Variants in UBE3D observed in about 807,000 individuals in gnomAD.
UBE3D encodes ubiquitin protein ligase E3D, also known as E3 ubiquitin-protein ligase E3D.
In UBE3D, 48 loss-of-function variants were observed where a neutral mutation model predicts 49.6. The observed-to-expected ratio is 0.97, with a 90% CI of 0.77 to 1.23. UBE3D has a LOEUF of 1.23. Ranked by LOEUF, UBE3D falls within the 50% of genes most tolerant of loss-of-function variation. UBE3D has a pLI of 0.00. For missense variants in UBE3D, 452 were observed against 468.4 expected (o/e 0.96, Z 0.32); for synonymous variants, 189 against 174.2 (o/e 1.08, Z -0.67).
At chr6:82,955,092 G>C (rs1286394888) in intron 9 of UBE3D, among the ~76,000 whole-genome samples, 1 of 152,166 alleles carries the variant, frequency 6.6e-6, no homozygotes, top group Non-Finnish European at 1.5e-5. Context: ...AATTAAAGGT[G>C]CTAAGACCAC....
In UBE3D at chr6:83,007,688, T is replaced by C. The variant is rs564172741; in HGVS notation, c.1010+11285A>G. Among the ~76,000 whole-genome samples, 19 of 152,342 alleles carry C rather than the reference T, an allele frequency of 1.2e-4. No homozygotes were observed. In the East Asian group the frequency reaches 3.3e-3, roughly 26 times the overall value. On this transcript the variant is annotated intron_variant, in intron 8 of 9. Transcript: ENST00000369747. ...CACCGGGTACGGTGGCTCATGCCTG[T>C]AATCCCAACATTTTGGGATGTTGAG...
intron 3 of UBE3D, 35 bp from the exon 4 acceptor site, chr6:83,044,694 C>T (rs1429297158): frequency 3.1e-5 from 46 of 1,460,916 alleles, no homozygotes; most frequent in Non-Finnish European, 4.3e-5. Context: ...TTTCACAGAA[C>T]AAAATGATAC....
intron 9 of UBE3D, among the ~76,000 whole-genome samples, chr6:82,928,503 T>C (rs1407866849): frequency 2.0e-5 from 3 of 152,194 alleles, no homozygotes; most frequent in Non-Finnish European, 4.4e-5. Context: ...ATTGAGAAGC[T>C]TAAAAAGATC....
chr6:82,965,451 C>T (rs952937151), intron 8 of UBE3D, among the ~76,000 whole-genome samples: 1 of 151,748 alleles, frequency 6.6e-6, no homozygotes, highest in Non-Finnish European at 1.5e-5. Context: ...GGTGTGGTGG[C>T]GCATGCCTGT....
At chr6:82,945,355 G>A (rs1196705520) in intron 9 of UBE3D, among the ~76,000 whole-genome samples, 2 of 152,202 alleles carry the variant, frequency 1.3e-5, no homozygotes, top group East Asian at 3.8e-4. Flanking sequence ...GAAGAGAAGA[G>A]TCTGCCAGGT....
chr6:83,047,514 G>C (rs1783145052), intron 3 of UBE3D, among the ~76,000 whole-genome samples: 1 of 152,048 alleles, frequency 6.6e-6, no homozygotes, highest in African/African-American at 2.4e-5. Context: ...TACGTCGTGT[G>C]GGGAGACAAC....
At chr6:83,002,756 G>A (rs1022436470) in intron 8 of UBE3D, among the ~76,000 whole-genome samples, 1 of 152,198 alleles carries the variant, frequency 6.6e-6, no homozygotes, top group Admixed American at 6.5e-5. Flanking sequence ...ATCCTGTAAG[G>A]ATATAGCAAC....
intron 3 of UBE3D, among the ~76,000 whole-genome samples, chr6:83,051,650 T>C (rs1315408521): frequency 1.3e-5 from 2 of 152,214 alleles, no homozygotes; most frequent in Non-Finnish European, 2.9e-5. Flanking sequence ...AAAACACTCT[T>C]GGTTCAACTA....
In UBE3D at chr6:82,983,664, C is replaced by T. The variant is rs763523971; in HGVS notation, c.1011-26214G>A. On this transcript the variant is annotated intron_variant, in intron 8 of 9. Coordinates refer to ENST00000369747, the MANE Select transcript of UBE3D (RefSeq NM_198920.3). ...CATCTGTAGTATTTTCTCTCTCTCA[C>T]GTCAAAAACCCAGTTCTCATGACAC... 8.5e-5 allele frequency among the ~76,000 whole-genome samples: 13 copies of T among 152,188 alleles called. No individual in the cohort carries two copies. In the East Asian group the frequency reaches 1.4e-3, roughly 16 times the overall value.
At chr6:83,025,848 A>G (rs1781418276) in intron 5 of UBE3D, among the ~76,000 whole-genome samples, 2 of 142,818 alleles carry the variant, frequency 1.4e-5, no homozygotes, top group Admixed American at 1.5e-4. Flanking sequence ...GTGCCACTGC[A>G]CTCCAGCCTG....
intron 4 of UBE3D, among the ~76,000 whole-genome samples, chr6:83,040,415 A>G (rs1782591726): frequency 6.7e-6 from 1 of 149,252 alleles, no homozygotes; most frequent in Non-Finnish European, 1.5e-5. Flanking sequence ...ATATATATAT[A>G]TATTCAATCA....
At chr6:83,032,384 C>A in intron 5 of UBE3D, 2 of 423,452 alleles carry the variant, frequency 4.7e-6, no homozygotes, top group Non-Finnish European at 9.5e-6. Flanking sequence ...TTCAGACTTG[C>A]ATGGGGCCTT....
At position 82,931,197 on chromosome 6, in the gene UBE3D, C is replaced by T. The variant is rs989612954; in HGVS notation, c.1149+26115G>A. ...CACAGAAGTCAAGAACTGAACTTTG[C>T]GAACCTCTGCCTTGATTCAGAGGAT... On this transcript the variant is annotated intron_variant, in intron 9 of 9. Transcript: ENST00000369747. Among the ~76,000 whole-genome samples the T allele has an allele frequency of 5.3e-5, 8 of 152,202 alleles. 1 individual carries two copies. Among genetic ancestry groups the T allele is most frequent in the South Asian group, 4.1e-4 (2 of 4,832 alleles).
chr6:82,935,765 T>C (rs1286221499), intron 9 of UBE3D, among the ~76,000 whole-genome samples: 2 of 152,156 alleles, frequency 1.3e-5, no homozygotes, highest in African/African-American at 4.8e-5. Context: ...CAATGAGTGA[T>C]AGATCTTCAA....
intron 8 of UBE3D, among the ~76,000 whole-genome samples, chr6:82,963,354 A>T (rs1330358033): frequency 1.3e-5 from 2 of 152,210 alleles, no homozygotes; most frequent in Non-Finnish European, 2.9e-5. Flanking sequence ...TGTCATTTGC[A>T]ACTCTGCCCA....
At chr6:83,062,699 T>C (rs774677712) in intron 1 of UBE3D, among the ~76,000 whole-genome samples, 7 of 152,164 alleles carry the variant, frequency 4.6e-5, no homozygotes, top group Non-Finnish European at 1.0e-4. Flanking sequence ...TTTAGGGAAA[T>C]ACAGTATTTT....
At chr6:83,061,786 C>A (rs1212147680) in intron 1 of UBE3D, among the ~76,000 whole-genome samples, 1 of 152,150 alleles carries the variant, frequency 6.6e-6, no homozygotes, top group East Asian at 1.9e-4. Context: ...CTTAGTTTGT[C>A]TTTTTGTTTA....
intron 4 of UBE3D, 40 bp downstream of exon 4, chr6:83,044,388 C>T (rs1562221495): frequency 1.9e-6 from 3 of 1,590,870 alleles, no homozygotes; most frequent in Non-Finnish European, 1.7e-6. Flanking sequence ...GTATCTAAGA[C>T]AGCCTCTAAA....
In UBE3D at chr6:83,065,812, C is replaced by A. The variant is rs1231610242; in HGVS notation, c.-94G>T. 2.3e-6 allele frequency: 3 copies of A among 1,302,830 alleles called. No homozygotes were observed. The highest frequency in any genetic ancestry group is 2.6e-5 in the East Asian group (1 of 38,828). The allele number at this position is 1,302,830 out of a possible 1,614,324, so 80.7% of individuals were successfully genotyped here. On this transcript the variant is annotated 5_prime_UTR_variant, in exon 1 of 10. Coordinates refer to ENST00000369747, the MANE Select transcript of UBE3D (RefSeq NM_198920.3). ...GAGGTTCCACGTGCGGACCAACCAG[C>A]GGCAGCCCCGCTGCGGCGCAGGCGC...
Sources: allele counts gnomAD v4.1 joint callset (sites outside exome capture counted in the v4.1 genomes callset), GRCh38; gene constraint gnomAD v4.1.1; transcripts MANE v1.5; gene names NCBI Gene and HGNC (gene_info 2026-07-23, HGNC 2026-07-21).